KIF6: variants seen among roughly 807,000 people sequenced by gnomAD.
KIF6 encodes the protein kinesin-like protein KIF6.
In KIF6, 106 loss-of-function variants were observed where a neutral mutation model predicts 112.7. The ratio of observed to expected loss-of-function variants is 0.94; its 90% CI spans 0.80 to 1.11. KIF6 has a LOEUF of 1.11. Among genes scored for constraint, KIF6 ranks in the 50% least tolerant of loss-of-function variants. The probability of loss-of-function intolerance (pLI) is 0.00; values close to 1 mark genes in which losing one functional copy is unlikely to be tolerated. For missense variants in KIF6, 929 were observed against 964.0 expected, an observed-to-expected ratio of 0.96 and a Z score of 0.48; for synonymous variants, 339 against 339.9, an observed-to-expected ratio of 1.00 and a Z score of 0.03.
intron 16 of KIF6, among the ~76,000 whole-genome samples, chr6:39,373,478 A>T (rs1766190039): frequency 6.6e-6 from 1 of 152,152 alleles, no homozygotes; most frequent in Non-Finnish European, 1.5e-5. Context: ...AACCCTAAAG[A>T]CTCAACCAAA....
At chr6:39,517,777 G>C (rs1421537703) in intron 13 of KIF6, among the ~76,000 whole-genome samples, 1 of 152,122 alleles carries the variant, frequency 6.6e-6, no homozygotes, top group Non-Finnish European at 1.5e-5. Flanking sequence ...ACTGTATATT[G>C]AAACTAATAT....
At position 39,349,142 on chromosome 6, in the gene KIF6, C is replaced by G. The variant is rs564278000; in HGVS notation, c.2181-2616G>C. ...ACACACCTTTGAAGTCCAGGGTTCT[C>G]GACTGCAGGGTTAAAGGTCTCTAGG... On this transcript the variant is annotated intron_variant, in intron 19 of 22. Transcript: ENST00000287152. Among the ~76,000 whole-genome samples the G allele has an allele frequency of 1.4e-3, 212 of 152,260 alleles. 1 individual carries two copies. Among genetic ancestry groups the G allele is most frequent in the African/African-American group, 5.0e-3 (208 of 41,554 alleles).
Position 39,586,361 on chromosome 6 carries a change from T to C in KIF6, c.890A>G (p.Tyr297Cys), listed in dbSNP as rs780578492. 9 of 1,613,984 alleles carry C rather than the reference T, an allele frequency of 5.6e-6. No individual in the cohort carries two copies. The highest frequency in any genetic ancestry group is 4.2e-6 in the Non-Finnish European group (5 of 1,179,944). The change falls in exon 8 of 23, where the codon TAT (tyrosine) becomes TGT (cysteine). Residue 297 changes from tyrosine to cysteine, a missense_variant. By Grantham distance (194) the Tyr-to-Cys change is radical. Around this residue, in one of 2 missense-constraint regions of KIF6, gnomAD observed 688 missense variants for 662.7 expected, o/e 1.04. Coordinates refer to ENST00000287152, the MANE Select transcript of KIF6 (RefSeq NM_145027.6). Reference sequence around the variant, plus strand: ...GACACTGGTCATCATGGAGTTTCTATAAGGAATGTGCGAACGGTGCTTTTC... The same window carrying C: ...GACACTGGTCATCATGGAGTTTCTACAAGGAATGTGCGAACGGTGCTTTTC... ...LSEKHRSHIPYRNSMMTSVLR... is the reference protein window; with the variant it reads ...LSEKHRSHIPCRNSMMTSVLR...
intron 13 of KIF6, among the ~76,000 whole-genome samples, chr6:39,478,531 T>C (rs1417878149): frequency 6.6e-6 from 1 of 152,190 alleles, no homozygotes; most frequent in Non-Finnish European, 1.5e-5. Context: ...TATAATGACT[T>C]CTTTTCCTCT....
At chr6:39,462,436 C>G (rs1445438260) in intron 13 of KIF6, among the ~76,000 whole-genome samples, 4 of 152,172 alleles carry the variant, frequency 2.6e-5, no homozygotes, top group Non-Finnish European at 5.9e-5. Context: ...GCTGCCAGAT[C>G]AACACGAGAT....
intron 13 of KIF6, among the ~76,000 whole-genome samples, chr6:39,460,535 G>GAAAAAAAAAAAAAAAAAAAAAA (rs1491244154): frequency 3.2e-5 from 1 of 31,622 alleles, no homozygotes; most frequent in African/African-American, 1.1e-4. Flanking sequence ...AAAAAAAAAA[G>GAAAAAAAAAAAAAAAAAAAAAA]TAAAAAAAAA....
At chr6:39,544,367 T>C (rs1778952020) in intron 12 of KIF6, 188 bp downstream of exon 12, 1 of 449,534 alleles carries the variant, frequency 2.2e-6, no homozygotes, top group Non-Finnish European at 3.8e-6. Flanking sequence ...CACATTTTTT[T>C]CTTTTATAGA....
In KIF6 at chr6:39,703,075, A is replaced by AC. The variant is rs202010511; in HGVS notation, c.251+11616dup. Among the ~76,000 whole-genome samples the AC allele has an allele frequency of 2.6e-3, 49 of 18,700 alleles. 5 individuals are homozygous for AC. The highest frequency in any genetic ancestry group is 0.015 in the South Asian group (6 of 394). The allele number at this position is 18,700 out of a possible 152,430, so 12.3% of individuals were successfully genotyped here. On this transcript the variant is annotated intron_variant, in intron 3 of 22. Coordinates refer to ENST00000287152, the MANE Select transcript of KIF6 (RefSeq NM_145027.6). Reference sequence around the variant, plus strand: ...CCGGCCACCAAGACAAAATCCACCAACCCCCCACCCCCACTCCCGGCCACC... The same window carrying AC: ...CCGGCCACCAAGACAAAATCCACCAACCCCCCCACCCCCACTCCCGGCCACC...
At chr6:39,462,941 T>A (rs536209615) in intron 13 of KIF6, among the ~76,000 whole-genome samples, 1 of 152,110 alleles carries the variant, frequency 6.6e-6, no homozygotes, top group African/African-American at 2.4e-5. Flanking sequence ...TTAAAGAAAA[T>A]TCAGCAAACT....
chr6:39,708,758 C>T (rs1789360882), intron 3 of KIF6, among the ~76,000 whole-genome samples: 1 of 152,096 alleles, frequency 6.6e-6, no homozygotes, highest in Non-Finnish European at 1.5e-5. Context: ...TCATAGTTTT[C>T]CTCCCTAAGT....
chr6:39,678,694 C>T (rs2113764130), intron 3 of KIF6, among the ~76,000 whole-genome samples: 1 of 152,322 alleles, frequency 6.6e-6, no homozygotes, highest in South Asian at 2.1e-4. Context: ...CACTCAGCAA[C>T]AAAGACCTAT....
chr6:39,404,699 T>G (rs973882334), intron 15 of KIF6, among the ~76,000 whole-genome samples: 6 of 152,208 alleles, frequency 3.9e-5, no homozygotes, highest in Non-Finnish European at 8.8e-5. Context: ...TCACTATAGC[T>G]ACACAAAGTT....
chr6:39,343,438 T>TGACAGAGAGCAAGGAACAAA lies in KIF6; in HGVS notation c.2428+270_2428+271insTTTGTTCCTTGCTCTCTGTC, dbSNP rs1763457572. On this transcript the variant is annotated intron_variant, in intron 22 of 22. Transcript: ENST00000287152. The surrounding 1 kb of genome is among the most constrained non-coding windows in gnomAD (Gnocchi z 4.1). ...ACAGAGAACAAAGGAGCTGAAGATCTGGAAGAGACAGAGAGCAAGCTCTGC... is the reference window on the plus strand; with the variant it reads ...ACAGAGAACAAAGGAGCTGAAGATCTGACAGAGAGCAAGGAACAAAGGAAGAGACAGAGAGCAAGCTCTGC... The TGACAGAGAGCAAGGAACAAA allele has an allele frequency of 7.0e-7, 1 of 1,419,360 alleles. No individual in the cohort carries two copies. Among genetic ancestry groups the TGACAGAGAGCAAGGAACAAA allele is most frequent in the African/African-American group, 1.4e-5 (1 of 70,316 alleles). The allele number at this position is 1,419,360 out of a possible 1,614,324, so 87.9% of individuals were successfully genotyped here. A position where few individuals can be genotyped will look rare whatever the true frequency, so the allele number is the denominator to read the frequency against.
At chr6:39,432,930 G>A (rs879647835) in intron 13 of KIF6, among the ~76,000 whole-genome samples, 27 of 152,070 alleles carry the variant, frequency 1.8e-4, no homozygotes, top group South Asian at 6.2e-4. Context: ...GCTCCCCCCC[G>A]CAGGGGAGCT....
At chr6:39,577,602 G>A (rs1185883515) in intron 10 of KIF6, among the ~76,000 whole-genome samples, 1 of 152,146 alleles carries the variant, frequency 6.6e-6, no homozygotes, top group Non-Finnish European at 1.5e-5. Context: ...TAGAGTGTTC[G>A]AGCTATAATA....
At chr6:39,644,650 C>T (rs978019986) in intron 3 of KIF6, among the ~76,000 whole-genome samples, 2 of 151,956 alleles carry the variant, frequency 1.3e-5, no homozygotes, top group South Asian at 2.1e-4. Flanking sequence ...TAGACAGGGG[C>T]TAGAAGGAAG....
At chr6:39,669,016 A>G (rs1786650921) in intron 3 of KIF6, among the ~76,000 whole-genome samples, 1 of 152,114 alleles carries the variant, frequency 6.6e-6, no homozygotes, top group Non-Finnish European at 1.5e-5. Context: ...GAATAAATTT[A>G]TTTTTCAAAA....
chr6:39,464,679 C>T (rs1464152727), intron 13 of KIF6, among the ~76,000 whole-genome samples: 2 of 152,162 alleles, frequency 1.3e-5, no homozygotes, highest in East Asian at 3.9e-4. Flanking sequence ...CCAGGTGGGG[C>T]CAGCTGGAAT....
intron 13 of KIF6, among the ~76,000 whole-genome samples, chr6:39,518,399 A>G (rs535680157): frequency 6.6e-6 from 1 of 152,326 alleles, no homozygotes; most frequent in East Asian, 1.9e-4. Context: ...AAGTGATGAG[A>G]ACTGCAGGCT....
Sources: allele counts gnomAD v4.1 joint callset (sites outside exome capture counted in the v4.1 genomes callset), GRCh38; gene constraint gnomAD v4.1.1; regional missense constraint gnomAD v4.1.1; non-coding constraint Gnocchi (gnomAD v3.1); transcripts MANE v1.5; gene names NCBI Gene and HGNC (gene_info 2026-07-23, HGNC 2026-07-21).